Variants in GRIP1 observed in about 807,000 individuals in gnomAD.
The protein encoded by GRIP1 is glutamate receptor interacting protein 1.
GRIP1 carries 45 observed loss-of-function variants against 129.9 expected under a neutral mutation model. The observed-to-expected ratio is 0.35, with a 90% confidence interval of 0.27 to 0.44. The LOEUF is 0.44. Ranked by LOEUF, GRIP1 falls within the 20% of genes least tolerant of loss-of-function variation. GRIP1 has a pLI of 1.00. For missense variants in GRIP1, 1,196 were observed against 1,396.8 expected (o/e 0.86, Z 2.29); for synonymous variants, 530 against 520.8 (o/e 1.02, Z -0.24).
intron 1 of GRIP1, among the ~76,000 whole-genome samples, chr12:66,742,831 G>T (rs1173206105): frequency 6.6e-6 from 1 of 152,004 alleles, no homozygotes; most frequent in Non-Finnish European, 1.5e-5. Flanking sequence ...ATCTATTTTT[G>T]ACAATTAAAA....
chr12:66,609,636 C>G (rs1177929741), intron 1 of GRIP1, among the ~76,000 whole-genome samples: 1 of 152,196 alleles, frequency 6.6e-6, no homozygotes, highest in Non-Finnish European at 1.5e-5. Context: ...ACCTCATCAA[C>G]TTCACTACTT....
At chr12:66,822,909 T>C (rs909766965) in intron 1 of GRIP1, among the ~76,000 whole-genome samples, 3 of 152,162 alleles carry the variant, frequency 2.0e-5, no homozygotes, top group African/African-American at 7.2e-5. Flanking sequence ...AGATCAATCA[T>C]ACCCCAAACC....
In GRIP1 at chr12:66,578,967, C is replaced by T. The variant is rs867354503; in HGVS notation, c.136+17880G>A. Among the ~76,000 whole-genome samples, 20 of 152,280 alleles carry T rather than the reference C, an allele frequency of 1.3e-4. No homozygotes were observed. The Middle Eastern group carries it at 0.014, about 104-fold the overall frequency. On this transcript the variant is annotated intron_variant, in intron 2 of 24. Transcript: ENST00000359742. ...GGCAGACTGCCTCCTCAAGTGGGTC[C>T]CTGACCCCTGACCCCTGAGCAGCCT...
intron 1 of GRIP1, among the ~76,000 whole-genome samples, chr12:67,028,892 T>C (rs1475309511): frequency 2.0e-5 from 3 of 152,178 alleles, no homozygotes; most frequent in Admixed American, 6.5e-5. Context: ...TTTATAATTG[T>C]TATTTACTGC....
intron 1 of GRIP1, among the ~76,000 whole-genome samples, chr12:66,862,872 T>C (rs1461465891): frequency 6.6e-6 from 1 of 151,996 alleles, no homozygotes. Context: ...GAATTTCCAA[T>C]GTGCTGCAGT....
At chr12:66,557,156 AC>A (rs2062364347) in intron 2 of GRIP1, among the ~76,000 whole-genome samples, 1 of 152,080 alleles carries the variant, frequency 6.6e-6, no homozygotes, top group Non-Finnish European at 1.5e-5. Flanking sequence ...AATGGAAACC[AC>A]AAAAGGGCAG....
chr12:66,485,426 ATAAT>A (rs1020680761), intron 7 of GRIP1, among the ~76,000 whole-genome samples: 6 of 151,096 alleles, frequency 4.0e-5, no homozygotes, highest in African/African-American at 1.2e-4. Context: ...AATTTAAAAA[ATAAT>A]TAAAATAGTT....
At chr12:66,958,531 C>A (rs907831325) in intron 1 of GRIP1, among the ~76,000 whole-genome samples, 4 of 152,206 alleles carry the variant, frequency 2.6e-5, no homozygotes, top group African/African-American at 9.6e-5. Flanking sequence ...CTCCAAGGAG[C>A]CCTCATTTCT....
chr12:67,044,740 T>A (rs1209956432), intron 1 of GRIP1, among the ~76,000 whole-genome samples: 2 of 152,280 alleles, frequency 1.3e-5, no homozygotes, highest in African/African-American at 4.8e-5. Context: ...CAGAGTCCTA[T>A]CATATGCTGT....
intron 14 of GRIP1, among the ~76,000 whole-genome samples, chr12:66,425,518 GCACA>G (rs1238764066): frequency 2.0e-5 from 3 of 152,124 alleles, no homozygotes; most frequent in African/African-American, 7.2e-5. Flanking sequence ...AAAGACACAT[GCACA>G]CGTATGTTTA....
chr12:66,738,871 T>A (rs2036697722), intron 1 of GRIP1, among the ~76,000 whole-genome samples: 1 of 152,200 alleles, frequency 6.6e-6, no homozygotes. Context: ...GGAAGCTGAC[T>A]TTTCTACGTT....
chr12:66,615,445 C>T (rs954779355), intron 1 of GRIP1, among the ~76,000 whole-genome samples: 2 of 152,038 alleles, frequency 1.3e-5, no homozygotes, highest in African/African-American at 4.8e-5. Flanking sequence ...TCAAGTAGAG[C>T]TGGCTGCTCC....
intron 1 of GRIP1, among the ~76,000 whole-genome samples, chr12:67,005,417 T>G (rs2042612242): frequency 6.6e-6 from 1 of 152,232 alleles, no homozygotes; most frequent in Non-Finnish European, 1.5e-5. Context: ...TAATATCATC[T>G]GACATTCACT....
intron 7 of GRIP1, among the ~76,000 whole-genome samples, chr12:66,470,091 A>G (rs1178021156): frequency 1.3e-5 from 2 of 152,170 alleles, no homozygotes; most frequent in Non-Finnish European, 2.9e-5. Context: ...CCAACTTACC[A>G]TCATCTGATT....
At chr12:66,931,108 G>A (rs537062626) in intron 1 of GRIP1, among the ~76,000 whole-genome samples, 1 of 152,282 alleles carries the variant, frequency 6.6e-6, no homozygotes, top group African/African-American at 2.4e-5. Context: ...CAAGAGGACA[G>A]AATTAAAGCC....
At chr12:66,544,733 T>C (rs1411842560) in intron 2 of GRIP1, among the ~76,000 whole-genome samples, 3 of 152,164 alleles carry the variant, frequency 2.0e-5, no homozygotes, top group Non-Finnish European at 4.4e-5. Context: ...TGGATGTTTC[T>C]GTAGGGGGTG....
rs1035591923 is a variant in GRIP1, at chr12:66,541,441, C to T, written c.272+374G>A. On this transcript the variant is annotated intron_variant, in intron 3 of 24. Coordinates refer to ENST00000359742, the MANE Select transcript of GRIP1 (RefSeq NM_001366722.1). ...CCTCTCTGGCACTTTTCCCCATTCACATTATATGGGTCATCTGTTTCACAT... is the reference window on the plus strand; with the variant it reads ...CCTCTCTGGCACTTTTCCCCATTCATATTATATGGGTCATCTGTTTCACAT... Among the ~76,000 whole-genome samples the T allele has an allele frequency of 5.3e-5, 8 of 152,238 alleles. No individual in the cohort carries two copies. The South Asian group carries it at 8.3e-4, about 16-fold the overall frequency.
chr12:66,527,254 T>C (rs2061278360), intron 5 of GRIP1, among the ~76,000 whole-genome samples: 1 of 151,276 alleles, frequency 6.6e-6, no homozygotes, highest in East Asian at 1.9e-4. Flanking sequence ...CTATTCACGA[T>C]AGCAAAGACT....
At chr12:66,542,041 T>C in intron 2 of GRIP1, 91 bp from the exon 3 acceptor site, 1 of 1,208,790 alleles carries the variant, frequency 8.3e-7, no homozygotes, top group African/African-American at 1.5e-5. Flanking sequence ...ACTTTTTCTT[T>C]TATGAGAAAA....
Sources: gnomAD v4.1 joint callset for allele counts (sites outside exome capture counted in the v4.1 genomes callset) on GRCh38, gnomAD v4.1.1 for gene constraint, MANE v1.5 for transcripts, NCBI Gene and HGNC (gene_info 2026-07-23, HGNC 2026-07-21) for gene names.